Variants in NHSL2 observed in about 807,000 individuals in gnomAD.
The protein encoded by NHSL2 is NHS like 2, also known as NHS-like protein 2.
Under a neutral mutation model 53.4 loss-of-function variants are expected in NHSL2, and 27 were observed. The ratio of observed to expected loss-of-function variants is 0.51; its 90% CI spans 0.37 to 0.70. NHSL2 has a LOEUF of 0.70. Ranked by LOEUF, NHSL2 falls within the 30% of genes least tolerant of loss-of-function variation. The probability of loss-of-function intolerance (pLI) is 0.00; values close to 1 mark genes in which losing one functional copy is unlikely to be tolerated. For missense variants in NHSL2, 892 were observed against 980.1 expected (o/e 0.91, Z 1.20); for synonymous variants, 408 against 404.1 (o/e 1.01, Z -0.12).
chrX:72,132,464 A>C (rs772649401), intron 2 of NHSL2, among the ~76,000 whole-genome samples: 1 of 108,920 alleles, frequency 9.2e-6, no homozygotes, highest in East Asian at 2.9e-4. Context: ...TCAGTAGCCC[A>C]TGGGGAAACA....
chrX:72,096,444 A>T (rs773535331), intron 1 of NHSL2, among the ~76,000 whole-genome samples: 1 of 112,230 alleles, frequency 8.9e-6, no homozygotes, highest in East Asian at 2.8e-4. Flanking sequence ...TCTGTAGAGC[A>T]GTATGATGTC....
At chrX:72,081,172 A>G (rs1239976311) in intron 1 of NHSL2, among the ~76,000 whole-genome samples, 1 of 112,438 alleles carries the variant, frequency 8.9e-6, no homozygotes, top group African/African-American at 3.2e-5. Context: ...CATGAGGACC[A>G]CGTGCTGTTT....
At chrX:71,990,472 C>T (rs191633345) in intron 1 of NHSL2, among the ~76,000 whole-genome samples, 4 of 111,192 alleles carry the variant, frequency 3.6e-5, no homozygotes, top group African/African-American at 1.3e-4. Context: ...CTTCATTCTA[C>T]CATCTCCTTG....
intron 1 of NHSL2, among the ~76,000 whole-genome samples, chrX:72,116,689 C>A (rs6525572): frequency 0.56 from 61,183 of 110,094 alleles, 15,663 homozygotes; most frequent in Non-Finnish European, 0.78. Flanking sequence ...GCTCAAGTTT[C>A]CTCAAGGTTA....
intron 1 of NHSL2, among the ~76,000 whole-genome samples, chrX:72,115,039 A>G (rs889884266): frequency 1.8e-5 from 2 of 111,599 alleles, no homozygotes; most frequent in African/African-American, 6.5e-5. Flanking sequence ...TGGAATTATT[A>G]TTGGCCTCAT....
At chrX:72,086,792 G>A (rs755572941) in intron 1 of NHSL2, among the ~76,000 whole-genome samples, 79 of 109,687 alleles carry the variant, frequency 7.2e-4, no homozygotes, top group Non-Finnish European at 1.2e-3. Flanking sequence ...TAATGATCAC[G>A]TGTCAAAGAT....
Position 71,911,366 on chromosome X carries a change from A to C in NHSL2, c.279A>C (p.Leu93=). The C allele has an allele frequency of 9.3e-7, 1 of 1,070,645 alleles. No individual in the cohort carries two copies. The allele number at this position is 1,070,645 out of a possible 1,213,427, so 88.2% of individuals were successfully genotyped here. Residue 93 remains leucine, a splice_region_variant and synonymous_variant, in exon 1 of 8, where the codon CTA becomes CTC. Transcript: ENST00000633930. The part of the protein sequence containing the change: ...LLGPEEDEEE[L]AAANSGRENA... ...GCCCGGAGGAGGACGAGGAAGAGCT[A>C]GGTAAAAACGGCGCCCCGGTGGCTC...
At chrX:72,042,408 G>A (rs891296035) in intron 1 of NHSL2, among the ~76,000 whole-genome samples, 2 of 111,801 alleles carry the variant, frequency 1.8e-5, no homozygotes, top group Non-Finnish European at 3.8e-5. Flanking sequence ...CACCCCCATT[G>A]GGGTCTAGGA....
At chrX:72,099,472 T>C (rs1166092247) in intron 1 of NHSL2, among the ~76,000 whole-genome samples, 2 of 107,479 alleles carry the variant, frequency 1.9e-5, no homozygotes, top group African/African-American at 6.9e-5. Flanking sequence ...TTCAAGCAAT[T>C]CTCCTGCCTC....
At chrX:72,141,517 C>A (rs770202585) in intron 6 of NHSL2, among the ~76,000 whole-genome samples, 7 of 111,917 alleles carry the variant, frequency 6.3e-5, no homozygotes, top group Non-Finnish European at 1.3e-4. Context: ...AACTGAAACT[C>A]TGTACCCAGT....
chrX:72,045,153 G>A (rs2042298585), intron 1 of NHSL2, among the ~76,000 whole-genome samples: 1 of 111,605 alleles, frequency 9.0e-6, no homozygotes, highest in African/African-American at 3.3e-5. Flanking sequence ...CCCAAGTCAG[G>A]GCATGAGAAG....
At chrX:72,041,736 T>C (rs751549897) in intron 1 of NHSL2, among the ~76,000 whole-genome samples, 28 of 111,608 alleles carry the variant, frequency 2.5e-4, no homozygotes, top group Admixed American at 5.7e-4. Context: ...ACAAATAAGG[T>C]TTAAGAAACT....
At chrX:72,124,511 G>A (rs372528962) in intron 1 of NHSL2, among the ~76,000 whole-genome samples, 6 of 111,892 alleles carry the variant, frequency 5.4e-5, no homozygotes, top group Admixed American at 1.9e-4. Flanking sequence ...AATGTCACAC[G>A]GGCTAGTTAG....
chrX:71,923,931 G>C (rs2041672212), intron 1 of NHSL2, among the ~76,000 whole-genome samples: 1 of 112,056 alleles, frequency 8.9e-6, no homozygotes, highest in Non-Finnish European at 1.9e-5. Flanking sequence ...CTTTGAAATG[G>C]TGAGTTTTGG....
At position 72,147,558 on chromosome X, in the gene NHSL2, A is replaced by G. The variant is rs2147539095; in HGVS notation, c.*3984A>G. ...TTAAAGAATCTTTAATAGTGTTAAT[A>G]TCGGAAAACATAGTTGATTTCTAAG... On this transcript the variant is annotated 3_prime_UTR_variant, in exon 8 of 8. Coordinates refer to ENST00000633930, the MANE Select transcript of NHSL2 (RefSeq NM_001013627.3). The G allele has an allele frequency of 8.9e-6, 1 of 112,188 alleles. No individual in the cohort carries two copies. Among genetic ancestry groups the G allele is most frequent in the East Asian group, 2.8e-4 (1 of 3,585 alleles). 9.2% of individuals were successfully genotyped at this position (112,188 alleles called of 1,213,427 possible). A position where few individuals can be genotyped will look rare whatever the true frequency, so the allele number is the denominator to read the frequency against.
chrX:71,920,777 A>G (rs1250942637), intron 1 of NHSL2, among the ~76,000 whole-genome samples: 4 of 110,720 alleles, frequency 3.6e-5, no homozygotes, highest in Non-Finnish European at 7.5e-5. Flanking sequence ...GTAAGCAGTA[A>G]TAATGCGAGG....
intron 1 of NHSL2, among the ~76,000 whole-genome samples, chrX:72,122,879 T>A (rs754906744): frequency 4.8e-4 from 54 of 113,097 alleles, no homozygotes; most frequent in African/African-American, 1.7e-3. Flanking sequence ...CCAAAGGCCA[T>A]TGCCAATGCA....
intron 1 of NHSL2, among the ~76,000 whole-genome samples, chrX:72,068,933 G>A (rs769602577): frequency 8.9e-6 from 1 of 112,624 alleles, no homozygotes; most frequent in South Asian, 3.7e-4. Flanking sequence ...CTCCAAGTCT[G>A]CAGCCTGACA....
At chrX:71,957,595 G>A (rs1405384159) in intron 1 of NHSL2, among the ~76,000 whole-genome samples, 1 of 111,327 alleles carries the variant, frequency 9.0e-6, no homozygotes, top group Non-Finnish European at 1.9e-5. Context: ...GAAGGGAGGG[G>A]GGCCAGTTAC....
Sources: allele counts gnomAD v4.1 joint callset (sites outside exome capture counted in the v4.1 genomes callset), GRCh38; gene constraint gnomAD v4.1.1; transcripts MANE v1.5; gene names NCBI Gene and HGNC (gene_info 2026-07-23, HGNC 2026-07-21).